ASPM: variants seen among roughly 807,000 people sequenced by gnomAD.
The protein encoded by ASPM is abnormal spindle-like microcephaly-associated protein.
A neutral mutation model predicts 366.4 loss-of-function variants in ASPM; 256 were observed. That is an observed-to-expected ratio of 0.70 (90% CI 0.63 to 0.77). ASPM has a LOEUF of 0.77. ASPM is among the 30% of genes least tolerant of loss of function. The pLI, the probability that ASPM is intolerant of heterozygous loss-of-function variation, is 0.00. For missense variants in ASPM, 4,146 were observed against 4,090.4 expected, an observed-to-expected ratio of 1.01 and a Z score of -0.37; for synonymous variants, 1,414 against 1,342.9, an observed-to-expected ratio of 1.05 and a Z score of -1.16.
At chr1:197,111,423 A>G (rs1657581702) in intron 17 of ASPM, among the ~76,000 whole-genome samples, 1 of 152,130 alleles carries the variant, frequency 6.6e-6, no homozygotes, top group Non-Finnish European at 1.5e-5. Flanking sequence ...AAAAAGTCAA[A>G]AAACAGATGC....
chr1:197,109,535 A>C lies in ASPM; in HGVS notation c.4066-4350T>G, dbSNP rs866463477. Among the ~76,000 whole-genome samples, 17 of 152,230 alleles carry C rather than the reference A, an allele frequency of 1.1e-4. No homozygotes were observed. In the Middle Eastern group the frequency reaches 0.014, roughly 122 times the overall value. On this transcript the variant is annotated intron_variant, in intron 17 of 27. Transcript: ENST00000367409. ...CTACAAGAAAACTACAGTTTATATA[A>C]TACTTAATGCGTGAACAAGGCAAAG...
chr1:197,084,157 C>T lies in ASPM; in HGVS notation c.*167G>A. The T allele has an allele frequency of 1.6e-6, 1 of 609,878 alleles. No homozygotes were observed. Among genetic ancestry groups the T allele is most frequent in the South Asian group, 2.0e-5 (1 of 48,898 alleles). 37.8% of individuals were successfully genotyped at this position (609,878 alleles called of 1,614,324 possible). A position where few individuals can be genotyped will look rare whatever the true frequency, so the allele number is the denominator to read the frequency against. Reference sequence around the variant, plus strand: ...TTATGACATATTAGTTTATTACATGCATAAAACTATAAATGATAAAAATGA... The same window carrying T: ...TTATGACATATTAGTTTATTACATGTATAAAACTATAAATGATAAAAATGA... On this transcript the variant is annotated 3_prime_UTR_variant, in exon 28 of 28. Transcript: ENST00000367409.
In ASPM at chr1:197,093,255, G is replaced by C; in HGVS notation, c.9091C>G (p.Arg3031Gly). The C allele has an allele frequency of 6.8e-6, 11 of 1,611,338 alleles. No individual in the cohort carries two copies. The highest frequency in any genetic ancestry group is 9.3e-6 in the Non-Finnish European group (11 of 1,178,460). Residue 3031 changes from arginine (R) to glycine (G), a missense_variant, in exon 21 of 28, where the codon CGA (arginine) becomes GGA (glycine). By Grantham distance (125) the Arg-to-Gly change is moderately radical (BLOSUM62 -2). Transcript: ENST00000367409. ...HEHFLMIKRH[R>G]AACLIQAHYR... ...TGTGCTTGGATCAAACAAGCAGCTC[G>C]ATGTCTCTATAAGGAAAAATTTACA...
At chr1:197,096,959 A>G (rs922562286) in intron 18 of ASPM, among the ~76,000 whole-genome samples, 1 of 151,846 alleles carries the variant, frequency 6.6e-6, no homozygotes, top group African/African-American at 2.4e-5. Context: ...CTGTTAAGTG[A>G]CAGAGTCAAG....
At chr1:197,108,968 C>T (rs867290938) in intron 17 of ASPM, among the ~76,000 whole-genome samples, 2 of 104,214 alleles carry the variant, frequency 1.9e-5, no homozygotes, top group South Asian at 6.5e-4. Context: ...AAGACCCTGT[C>T]TCCAAAAAAA....
intron 7 of ASPM, among the ~76,000 whole-genome samples, chr1:197,131,561 T>TC (rs1364654662): frequency 6.8e-6 from 1 of 147,928 alleles, no homozygotes; most frequent in Non-Finnish European, 1.5e-5. Context: ...AAGTCACTTT[T>TC]TTTTTTTTTG....
chr1:197,095,694 C>T (rs543795501), intron 19 of ASPM, among the ~76,000 whole-genome samples: 1 of 151,654 alleles, frequency 6.6e-6, no homozygotes, highest in African/African-American at 2.4e-5. Context: ...CAAGTCTTAA[C>T]TAAATGATTT....
intron 27 of ASPM, 141 bp from the exon 28 acceptor site, chr1:197,084,567 T>A (rs760000131): frequency 3.2e-5 from 21 of 658,848 alleles, no homozygotes; most frequent in Non-Finnish European, 5.1e-5. Flanking sequence ...GTGGGAGAAC[T>A]TCATATTATT....
chr1:197,092,100 A>C (rs1174963271), intron 21 of ASPM, 44 bp from the exon 22 acceptor site: 1 of 1,601,660 alleles, frequency 6.2e-7, no homozygotes, highest in East Asian at 2.2e-5. Context: ...CTGCCTCCTA[A>C]GTTAATCAAT....
chr1:197,138,926 C>A, intron 4 of ASPM: 2 of 837,184 alleles, frequency 2.4e-6, no homozygotes, highest in South Asian at 2.7e-5. Flanking sequence ...ACTTGTCCTG[C>A]AGCTCTTTTT....
At chr1:197,136,089 TG>T (rs1557962204) in intron 4 of ASPM, among the ~76,000 whole-genome samples, 1 of 152,218 alleles carries the variant, frequency 6.6e-6, no homozygotes, top group African/African-American at 2.4e-5. Flanking sequence ...CAGTGGATTA[TG>T]TATTTAAAAT....
chr1:197,085,016 A>T (rs972040030), intron 27 of ASPM, among the ~76,000 whole-genome samples: 5 of 152,152 alleles, frequency 3.3e-5, no homozygotes, highest in Non-Finnish European at 5.9e-5. Context: ...TGGCCTCAAC[A>T]CATACCCAAC....
At chr1:197,124,043 G>A in intron 13 of ASPM, 67 bp downstream of exon 13, 1 of 1,387,948 alleles carries the variant, frequency 7.2e-7, no homozygotes, top group African/African-American at 1.5e-5. Flanking sequence ...CAGGCATTAA[G>A]TTTAAGTGAC....
chr1:197,141,997 C>T (rs181441921), intron 3 of ASPM, among the ~76,000 whole-genome samples: 5 of 152,240 alleles, frequency 3.3e-5, no homozygotes, highest in Admixed American at 1.3e-4. Flanking sequence ...GTGTGAGTGT[C>T]GACCTTTCAG....
At chr1:197,145,715 T>G (rs928703173) in intron 1 of ASPM, among the ~76,000 whole-genome samples, 4 of 152,128 alleles carry the variant, frequency 2.6e-5, no homozygotes, top group African/African-American at 9.7e-5. Context: ...CACAACGCCT[T>G]AAGTCTAGTA....
chr1:197,117,651 T>C (rs1657776093), intron 17 of ASPM, 138 bp downstream of exon 17: 8 of 748,036 alleles, frequency 1.1e-5, no homozygotes, highest in South Asian at 1.9e-5. Context: ...GCTTTTCAGG[T>C]AGTAAATATT....
chr1:197,134,202 A>T (rs1263573645), intron 5 of ASPM, among the ~76,000 whole-genome samples: 1 of 151,686 alleles, frequency 6.6e-6, no homozygotes, highest in Non-Finnish European at 1.5e-5. Context: ...GTTCAAGACC[A>T]ACTCTGGCAA....
chr1:197,093,443 C>T (rs1313905666), intron 20 of ASPM, among the ~76,000 whole-genome samples, 182 bp from the exon 21 acceptor site: 1 of 151,802 alleles, frequency 6.6e-6, no homozygotes, highest in East Asian at 1.9e-4. Flanking sequence ...GGTCTATAGC[C>T]AAGATGAAGG....
rs766700006 is a variant in ASPM, at chr1:197,133,478, C to T, written c.2291G>A (p.Arg764Lys). The T allele has an allele frequency of 1.2e-6, 2 of 1,613,982 alleles. No individual in the cohort carries two copies. The highest frequency in any genetic ancestry group is 2.7e-5 in the African/African-American group (2 of 74,928). The change falls in exon 6 of 28, where the codon AGA becomes AAA. Residue 764 changes from arginine to lysine, a missense_variant. Transcript: ENST00000367409. ...RAYTARCRLN[R>K]LRRAACRLFT... ...CAAACGGCATGCTGCACGACGTAGT[C>T]TGTTTAACCTACACCGAGCAGTATA...
Sources: gnomAD v4.1 joint callset for allele counts (sites outside exome capture counted in the v4.1 genomes callset) on GRCh38, gnomAD v4.1.1 for gene constraint, MANE v1.5 for transcripts, NCBI Gene and HGNC (gene_info 2026-07-23, HGNC 2026-07-21) for gene names.